LGI4: variants seen among roughly 807,000 people sequenced by gnomAD.
LGI4 encodes the protein leucine-rich repeat LGI family member 4.
LGI4 carries 36 observed loss-of-function variants against 48.3 expected under a neutral mutation model. That is an observed-to-expected ratio of 0.75 (90% CI 0.57 to 0.98). The LOEUF (loss-of-function observed/expected upper bound fraction) is 0.98. Ranked by LOEUF, LGI4 falls within the 50% of genes least tolerant of loss-of-function variation. The pLI is 0.00. For synonymous variants in LGI4, 355 were observed against 331.6 expected (o/e 1.07, Z -0.77); for missense variants, 701 against 732.1 (o/e 0.96, Z 0.49).
At chr19:35,129,895 G>A (rs1406509503) in intron 6 of LGI4, among the ~76,000 whole-genome samples, 3 of 152,082 alleles carry the variant, frequency 2.0e-5, no homozygotes, top group Non-Finnish European at 2.9e-5. Context: ...AAACCCGATC[G>A]TACATTCTGT....
At chr19:35,128,447 G>A (rs909587703) in intron 6 of LGI4, among the ~76,000 whole-genome samples, 6 of 152,192 alleles carry the variant, frequency 3.9e-5, no homozygotes, top group Non-Finnish European at 7.3e-5. Context: ...GGTGGCTCAC[G>A]CCTGTAATCC....
chr19:35,125,419 C>A lies in LGI4; in HGVS notation c.1388G>T (p.Arg463Met). 6.2e-7 allele frequency: 1 copy of A among 1,610,310 alleles called. No homozygotes were observed. Among genetic ancestry groups the A allele is most frequent in the Non-Finnish European group, 8.5e-7 (1 of 1,178,314 alleles). ...AHVFQPLLIA[R>M]DQLAILGSDF... ...GCTGCCTAGGATGGCCAGCTGGTCC[C>A]TGGCGATGAGCAGTGGCTGGAAGAC... The change falls in exon 9 of 9, where the codon AGG (arginine) becomes ATG (methionine). Residue 463 changes from arginine to methionine, a missense_variant. By Grantham distance (91) the Arg-to-Met change is moderately conservative. Around this residue, in one of 3 missense-constraint regions of LGI4, gnomAD observed 223 missense variants for 263.3 expected, o/e 0.85. Coordinates refer to ENST00000310123, the MANE Select transcript of LGI4 (RefSeq NM_139284.3).
At position 35,125,319 on chromosome 19, in the gene LGI4, A is replaced by T; in HGVS notation, c.1488T>A (p.Pro496=). 6.2e-7 allele frequency: 1 copy of T among 1,611,782 alleles called. No homozygotes were observed. Among genetic ancestry groups the T allele is most frequent in the Non-Finnish European group, 8.5e-7 (1 of 1,178,638 alleles). Residue 496 remains proline, a synonymous_variant, in exon 9 of 9, where the codon CCT becomes CCA. Transcript: ENST00000310123. The part of the protein sequence containing the change: ...GLLEPLQELG[P]PALVAPRAFA... ...AGGCACGGGGGGCCACCAGGGCCGG[A>T]GGCCCCAGCTCCTGCAGTGGCTCCA...
chr19:35,133,426 A>G, intron 3 of LGI4: 9 of 1,301,344 alleles, frequency 6.9e-6, no homozygotes, highest in Non-Finnish European at 8.8e-6. Context: ...GGCTCTGGTT[A>G]TCCGGGCCCT....
intron 2 of LGI4, 85 bp from the exon 3 acceptor site, chr19:35,133,849 T>C: frequency 7.0e-7 from 1 of 1,435,474 alleles, no homozygotes; most frequent in Admixed American, 2.0e-5. Flanking sequence ...TCAGCCTAGG[T>C]GGGCATGGGC....
At chr19:35,130,366 T>A (rs1275138458) in intron 6 of LGI4, among the ~76,000 whole-genome samples, 1 of 152,134 alleles carries the variant, frequency 6.6e-6, no homozygotes, top group Non-Finnish European at 1.5e-5. Flanking sequence ...TAGATAATAA[T>A]AATTATTGCT....
At position 35,133,268 on chromosome 19, in the gene LGI4, C is replaced by G. The variant is rs1226086172; in HGVS notation, c.314+425G>C. ...ACCGCTGCCACCATCACCACCACTACCCAATCGTCAGCACCACCCTCAACA... is the reference window on the plus strand; with the variant it reads ...ACCGCTGCCACCATCACCACCACTAGCCAATCGTCAGCACCACCCTCAACA... On this transcript the variant is annotated intron_variant, in intron 3 of 8. Coordinates refer to ENST00000310123, the MANE Select transcript of LGI4 (RefSeq NM_139284.3). The G allele has an allele frequency of 7.6e-6, 7 of 921,792 alleles. No homozygotes were observed. In the South Asian group the frequency reaches 1.9e-4, roughly 25 times the overall value. The allele number at this position is 921,792 out of a possible 1,614,324, so 57.1% of individuals were successfully genotyped here. A position where few individuals can be genotyped will look rare whatever the true frequency, so the allele number is the denominator to read the frequency against.
rs145824616 is a variant in LGI4, at chr19:35,126,874, G to A, written c.772C>T (p.Arg258Trp). Reference sequence around the variant, plus strand: ...TCACCGGGCAGCTCTTCCTCGGGCCGGAAGCGCTGCAGGCTGTAGTCCCAG... The same window carrying A: ...TCACCGGGCAGCTCTTCCTCGGGCCAGAAGCGCTGCAGGCTGTAGTCCCAG... ...LSWDYSLQRFRPEEELPAASV... is the reference protein window; with the variant it reads ...LSWDYSLQRFWPEEELPAASV... The change falls in exon 7 of 9, where the codon CGG becomes TGG. Residue 258 changes from arginine (R) to tryptophan (W), a missense_variant. Transcript: ENST00000310123. 10 of 1,612,406 alleles carry A rather than the reference G, an allele frequency of 6.2e-6. No homozygotes were observed. The highest frequency in any genetic ancestry group is 3.3e-4 in the Middle Eastern group (2 of 6,082).
chr19:35,125,508 C>A lies in LGI4; in HGVS notation c.1300-1G>T. The A allele has an allele frequency of 6.5e-7, 1 of 1,544,714 alleles. No homozygotes were observed. The highest frequency in any genetic ancestry group is 8.8e-7 in the Non-Finnish European group (1 of 1,141,850). The stretch of plus-strand genomic sequence containing the variant: ...ACATGGAGCCGTCCCAGCGCATGAC[C>A]TGTGGGGGTGTGGCCAGTGAGGGCC... On this transcript the variant is annotated splice_acceptor_variant, in intron 8 of 8. Transcript: ENST00000310123. LOFTEE classifies it high-confidence loss of function.
chr19:35,130,878 T>C (rs1480509852), intron 6 of LGI4, among the ~76,000 whole-genome samples: 1 of 152,186 alleles, frequency 6.6e-6, no homozygotes, highest in Non-Finnish European at 1.5e-5. Flanking sequence ...CAGATCGTCC[T>C]GGGCTGTCCT....
rs1041472730 is a variant in LGI4, at chr19:35,124,887, G to A, written c.*306C>T. 1 of 268,694 alleles carries A rather than the reference G, an allele frequency of 3.7e-6. No homozygotes were observed. The highest frequency in any genetic ancestry group is 7.0e-6 in the Non-Finnish European group (1 of 143,356). 16.6% of individuals were successfully genotyped at this position (268,694 alleles called of 1,614,324 possible). A position where few individuals can be genotyped will look rare whatever the true frequency, so the allele number is the denominator to read the frequency against. ...GAGCTCTGCACGTGACCTCCACCTC[G>A]ACTCCATGCAGTGCACCAGCCTGCA... is the stretch of plus-strand genomic sequence containing the variant. On this transcript the variant is annotated 3_prime_UTR_variant, in exon 9 of 9. Coordinates refer to ENST00000310123, the MANE Select transcript of LGI4 (RefSeq NM_139284.3).
In LGI4 at chr19:35,126,697, G is replaced by A; in HGVS notation, c.872C>T (p.Ser291Leu). 1.3e-6 allele frequency: 2 copies of A among 1,537,714 alleles called. No individual in the cohort carries two copies. Among genetic ancestry groups the A allele is most frequent in the Non-Finnish European group, 1.7e-6 (2 of 1,147,068 alleles). ...FVLAARLWGG[S>L]QLWARPSPGL... Reference sequence around the variant, plus strand: ...GGGACTGGGCCGGGCCCACAGCTGTGAGCCCCCCCACAGGCGGGCAGCCAG... The same window carrying A: ...GGGACTGGGCCGGGCCCACAGCTGTAAGCCCCCCCACAGGCGGGCAGCCAG... Residue 291 changes from serine (S) to leucine (L), a missense_variant, in exon 8 of 9, where the codon TCA (serine) becomes TTA (leucine). Physicochemically the swap from Ser to Leu is moderately radical, Grantham distance 145 (BLOSUM62 -2). Around this residue, in one of 3 missense-constraint regions of LGI4, gnomAD observed 462 missense variants for 436.4 expected, o/e 1.06. Coordinates refer to ENST00000310123, the MANE Select transcript of LGI4 (RefSeq NM_139284.3).
At position 35,126,726 on chromosome 19, in the gene LGI4, G is replaced by T; in HGVS notation, c.843C>A (p.Phe281Leu). The T allele has an allele frequency of 6.5e-7, 1 of 1,540,904 alleles. No individual in the cohort carries two copies. The change falls in exon 8 of 9, where the codon TTC (phenylalanine) becomes TTA (leucine). Residue 281 changes from phenylalanine (F) to leucine (L), a missense_variant. Transcript: ENST00000310123. The stretch of plus-strand genomic sequence containing the variant: ...CCCCCCACAGGCGGGCAGCCAGCAC[G>T]AAGAGGCTCGGGCCCAGCACCAGTG... ...CKPLVLGPSL[F>L]VLAARLWGGS...
Position 35,126,913 on chromosome 19 carries a change from AGCG to A in LGI4, c.730_732del (p.Arg244del). On this transcript the variant is annotated inframe_deletion, in exon 7 of 9. Coordinates refer to ENST00000310123, the MANE Select transcript of LGI4 (RefSeq NM_139284.3). ...CTGTAGTCCCAGGAGAGAATCAGGC[AGCG>A]GCCGGCGAAGGGCTGTGCCAGCACA... is the stretch of plus-strand genomic sequence containing the variant. The A allele has an allele frequency of 6.2e-7, 1 of 1,613,742 alleles. No individual in the cohort carries two copies. Among genetic ancestry groups the A allele is most frequent in the Admixed American group, 1.7e-5 (1 of 60,022 alleles).
In LGI4 at chr19:35,134,167, A is replaced by G. The variant is rs2065193859; in HGVS notation, c.171-63T>C. On this transcript the variant is annotated intron_variant, in intron 1 of 8. Coordinates refer to ENST00000310123, the MANE Select transcript of LGI4 (RefSeq NM_139284.3). ...CAGCAATACTCCAGTTGCAAACCAGAACCTTCTGCCATCCGGGAGACCCCA... is the reference window on the plus strand; with the variant it reads ...CAGCAATACTCCAGTTGCAAACCAGGACCTTCTGCCATCCGGGAGACCCCA... 2.1e-6 allele frequency: 3 copies of G among 1,442,086 alleles called. No individual in the cohort carries two copies. The South Asian group carries it at 3.7e-5, about 18-fold the overall frequency. The allele number at this position is 1,442,086 out of a possible 1,614,324, so 89.3% of individuals were successfully genotyped here.
chr19:35,132,100 A>C, intron 3 of LGI4, 58 bp from the exon 4 acceptor site: 4 of 1,378,760 alleles, frequency 2.9e-6, no homozygotes, highest in Non-Finnish European at 4.0e-6. Context: ...AACGCACCCC[A>C]TGAAAGACAT....
At chr19:35,134,430 A>G in intron 1 of LGI4, 81 bp downstream of exon 1, 1 of 1,407,346 alleles carries the variant, frequency 7.1e-7, no homozygotes, top group Non-Finnish European at 9.8e-7. Context: ...GTTTCCCTGG[A>G]GACCCGGCAC....
At position 35,133,899 on chromosome 19, in the gene LGI4, T is replaced by G; in HGVS notation, c.242+134A>C. ...ATGTGCATGGACACAAATGCTTTTG[T>G]ACAGACGTGTGCATACACCCCCACA... On this transcript the variant is annotated intron_variant, in intron 2 of 8. Transcript: ENST00000310123. 6.1e-6 allele frequency: 8 copies of G among 1,301,988 alleles called. No individual in the cohort carries two copies. In the South Asian group the frequency reaches 1.0e-4, roughly 17 times the overall value. 80.7% of individuals were successfully genotyped at this position (1,301,988 alleles called of 1,614,324 possible).
At chr19:35,133,274 C>G in intron 3 of LGI4, 1 of 969,978 alleles carries the variant, frequency 1.0e-6, no homozygotes, top group Non-Finnish European at 1.3e-6. Flanking sequence ...ACTACCCAAT[C>G]GTCAGCACCA....
Sources: allele counts gnomAD v4.1 joint callset (sites outside exome capture counted in the v4.1 genomes callset), GRCh38; gene constraint gnomAD v4.1.1; regional missense constraint gnomAD v4.1.1; transcripts MANE v1.5; gene names NCBI Gene and HGNC (gene_info 2026-07-23, HGNC 2026-07-21).